PTRH1: variants seen among roughly 807,000 people sequenced by gnomAD.
PTRH1 encodes peptidyl-tRNA hydrolase.
In PTRH1, 13 loss-of-function variants were observed where a neutral mutation model predicts 15.7. The ratio of observed to expected loss-of-function variants is 0.83; its 90% CI spans 0.54 to 1.31. The LOEUF is 1.31. Ranked by LOEUF, PTRH1 falls within the 40% of genes most tolerant of loss-of-function variation. The pLI is 0.00. For synonymous variants in PTRH1, 139 were observed against 136.7 expected, an observed-to-expected ratio of 1.02 and a Z score of -0.12; for missense variants, 319 against 296.2, an observed-to-expected ratio of 1.08 and a Z score of -0.56.
downstream of PTRH1, chr9:127,713,403 G>T (rs934561008): frequency 9.7e-6 from 5 of 514,060 alleles, no homozygotes; most frequent in African/African-American, 4.0e-5. Context: ...GCCCTGGGAG[G>T]GGGGTTGGCT....
At chr9:127,710,282 C>CAAAA (rs60165824), downstream of PTRH1, among the ~76,000 whole-genome samples, 1 of 82,618 alleles carries the variant, frequency 1.2e-5, no homozygotes, top group African/African-American at 5.0e-5. Flanking sequence ...GACCCTGTCT[C>CAAAA]AAAAAAAAAA....
At chr9:127,701,635 G>A (rs562054005) in intron 1 of PTRH1, among the ~76,000 whole-genome samples, 138 of 152,302 alleles carry the variant, frequency 9.1e-4, no homozygotes, top group Non-Finnish European at 1.6e-3. Context: ...TGTTTGGGCC[G>A]GGAGCGGTGG....
intron 2 of PTRH1, 69 bp from the exon 3 acceptor site, chr9:127,714,771 T>C (rs1350217876): frequency 7.5e-7 from 1 of 1,334,324 alleles, no homozygotes; most frequent in African/African-American, 1.5e-5. Flanking sequence ...CCGACTCCCA[T>C]GATGAGGGAC....
At chr9:127,713,291 G>A (rs1842811849), downstream of PTRH1, 1 of 1,049,310 alleles carries the variant, frequency 9.5e-7, no homozygotes, top group African/African-American at 1.6e-5. Flanking sequence ...ACAGCTGTGT[G>A]GCCCTGGGGA....
At position 127,707,074 on chromosome 9, in the gene PTRH1, G is replaced by C. The variant is rs1283236085; in HGVS notation, c.205+8361C>G. The C allele has an allele frequency of 6.2e-6, 10 of 1,614,006 alleles. No individual in the cohort carries two copies. Among genetic ancestry groups the C allele is most frequent in the Admixed American group, 3.3e-5 (2 of 60,036 alleles). The stretch of plus-strand genomic sequence containing the variant: ...TGTGAGCAAGGCAGGCAAGGAGCTT[G>C]AAGTCAAGAAGAAAGGGGGCAAGAA... On this transcript the variant is annotated intron_variant, in intron 1 of 2. Transcript: ENST00000335223.
chr9:127,710,959 C>T (rs1161256453), downstream of PTRH1, among the ~76,000 whole-genome samples: 4 of 152,172 alleles, frequency 2.6e-5, no homozygotes, highest in African/African-American at 7.2e-5. Context: ...GCAGTCCTCA[C>T]GCTGGCATTG....
At chr9:127,694,959 A>G in exon 2 of PTRH1, 1 of 702,354 alleles carries the variant, frequency 1.4e-6, no homozygotes, top group South Asian at 1.5e-5. Flanking sequence ...CTCTTTCCAC[A>G]TGATCCTGAC....
intron 1 of PTRH1, among the ~76,000 whole-genome samples, chr9:127,700,808 G>C (rs1842598245): frequency 6.6e-6 from 1 of 152,162 alleles, no homozygotes. Context: ...GAGGCTGTGG[G>C]ACTGACCACC....
chr9:127,697,256 G>T (rs1842568725), intron 1 of PTRH1, among the ~76,000 whole-genome samples: 1 of 152,198 alleles, frequency 6.6e-6, no homozygotes, highest in African/African-American at 2.4e-5. Flanking sequence ...TGAAACTGAT[G>T]AATTCCATTG....
In PTRH1 at chr9:127,700,516, T is replaced by TG. The variant is rs200332155; in HGVS notation, c.206-5376dup. 5.7e-3 allele frequency among the ~76,000 whole-genome samples: 874 copies of TG among 152,104 alleles called. 10 individuals carry two copies. Among genetic ancestry groups the TG allele is most frequent in the African/African-American group, 0.019 (770 of 41,480 alleles). On this transcript the variant is annotated intron_variant, in intron 1 of 2. Coordinates refer to the PTRH1 transcript ENST00000335223. ...AAAACAGTTCCCAGCCATGATGAGA[T>TG]GGGGGGGTCAGACATGCCTCATGAA...
chr9:127,712,979 G>A, downstream of PTRH1: 1 of 1,603,520 alleles, frequency 6.2e-7, no homozygotes, highest in Non-Finnish European at 8.5e-7. Context: ...CAGAAACCTG[G>A]CTCGCCGAAG....
downstream of PTRH1, chr9:127,711,792 G>C: frequency 6.5e-7 from 1 of 1,548,876 alleles, no homozygotes; most frequent in Non-Finnish European, 8.7e-7. Flanking sequence ...GGCAGGCTGA[G>C]GGCATGGCCA....
At chr9:127,709,497 C>T, downstream of PTRH1, 1 of 1,614,080 alleles carries the variant, frequency 6.2e-7, no homozygotes. The surrounding 1 kb of genome is among the most constrained non-coding windows in gnomAD (Gnocchi z 4.7). Context: ...TGGCCAATAA[C>T]AAGAAGGAGA....
intron 1 of PTRH1, chr9:127,707,206 C>A (rs368584117): frequency 6.2e-7 from 1 of 1,606,170 alleles, no homozygotes; most frequent in African/African-American, 1.3e-5. Context: ...CGTGGGCTGG[C>A]GGGCAGGAGT....
rs545320419 is a variant in PTRH1 at position 127,699,631 on chromosome 9, G to A, written c.206-4490C>T. On this transcript the variant is annotated intron_variant, in intron 1 of 2. Coordinates refer to the PTRH1 transcript ENST00000335223. ...AATTGGAACCAGTGACACGCAGATT[G>A]GTGAAGCGTTCCATATTTTTTCCAT... 1.2e-4 allele frequency among the ~76,000 whole-genome samples: 18 copies of A among 152,224 alleles called. No homozygotes were observed. The South Asian group carries it at 3.5e-3, about 30-fold the overall frequency.
chr9:127,707,983 G>A (rs1842684925), intron 1 of PTRH1, among the ~76,000 whole-genome samples: 1 of 152,148 alleles, frequency 6.6e-6, no homozygotes, highest in African/African-American at 2.4e-5. Context: ...TACTAGAGAG[G>A]TCCTGATGTC....
At chr9:127,702,373 C>CAA (rs11347672) in intron 1 of PTRH1, among the ~76,000 whole-genome samples, 25 of 79,112 alleles carry the variant, frequency 3.2e-4, no homozygotes, top group African/African-American at 9.0e-4. Flanking sequence ...ATTCCGTCTC[C>CAA]AAAAAAAAAA....
downstream of PTRH1, chr9:127,713,777 G>A (rs372758183): frequency 3.7e-5 from 54 of 1,465,092 alleles, no homozygotes; most frequent in African/African-American, 6.8e-4. Context: ...AAAGTGCTGG[G>A]ATTATAGGTG....
downstream of PTRH1, chr9:127,712,947 C>A: frequency 6.3e-7 from 1 of 1,589,794 alleles, no homozygotes; most frequent in Admixed American, 1.8e-5. Flanking sequence ...GCCATGGGGA[C>A]AGTGCTCGGC....
Sources: gnomAD v4.1 joint callset for allele counts (sites outside exome capture counted in the v4.1 genomes callset) on GRCh38, gnomAD v4.1.1 for gene constraint, Gnocchi (gnomAD v3.1) non-coding constraint, MANE v1.5 for transcripts, NCBI Gene and HGNC (gene_info 2026-07-23, HGNC 2026-07-21) for gene names.